MDGA2: variants seen among roughly 807,000 people sequenced by gnomAD.
MDGA2 encodes the protein MAM domain-containing glycosylphosphatidylinositol anchor protein 2.
MDGA2 carries 40 observed loss-of-function variants against 117.8 expected under a neutral mutation model. The ratio of observed to expected loss-of-function variants is 0.34; its 90% CI spans 0.26 to 0.44. The LOEUF is 0.44. Among genes scored for constraint, MDGA2 ranks in the 20% least tolerant of loss-of-function variants. The probability of loss-of-function intolerance (pLI) is 1.00; values close to 1 mark genes in which losing one functional copy is unlikely to be tolerated. For missense variants in MDGA2, 1,123 were observed against 1,250.6 expected (o/e 0.90, Z 1.54); for synonymous variants, 452 against 439.0 (o/e 1.03, Z -0.37).
intron 6 of MDGA2, among the ~76,000 whole-genome samples, chr14:47,078,417 A>G (rs1020707770): frequency 1.3e-5 from 2 of 152,192 alleles, no homozygotes; most frequent in Non-Finnish European, 2.9e-5. Flanking sequence ...ATGCTTCAAC[A>G]GTCAAGCCGA....
At chr14:47,188,954 T>C (rs11848832) in intron 3 of MDGA2, among the ~76,000 whole-genome samples, 1 of 152,260 alleles carries the variant, frequency 6.6e-6, no homozygotes, top group South Asian at 2.1e-4. Context: ...AAATGTGTGG[T>C]GTTTATGCTT....
intron 10 of MDGA2, among the ~76,000 whole-genome samples, chr14:46,909,078 C>T (rs1328422524): frequency 6.6e-6 from 1 of 152,146 alleles, no homozygotes. Context: ...CTGCTTCCTA[C>T]TCTACCAAAC....
At chr14:47,372,280 C>CA (rs541737815) in intron 1 of MDGA2, among the ~76,000 whole-genome samples, 59 of 150,122 alleles carry the variant, frequency 3.9e-4, no homozygotes, top group Admixed American at 6.6e-4. Flanking sequence ...TGGCAAAAAA[C>CA]AAAAAAAAGT....
At chr14:47,161,189 T>G (rs1222140449) in intron 3 of MDGA2, among the ~76,000 whole-genome samples, 1 of 152,168 alleles carries the variant, frequency 6.6e-6, no homozygotes, top group Non-Finnish European at 1.5e-5. Context: ...CTTAATTTAA[T>G]TACATTTTTG....
At chr14:46,900,791 CA>C (rs1883254795) in intron 10 of MDGA2, among the ~76,000 whole-genome samples, 1 of 151,974 alleles carries the variant, frequency 6.6e-6, no homozygotes, top group Admixed American at 6.6e-5. Flanking sequence ...TACGCACATG[CA>C]AACACAGATA....
intron 1 of MDGA2, among the ~76,000 whole-genome samples, chr14:47,513,355 A>T (rs1469468114): frequency 6.6e-6 from 1 of 152,258 alleles, no homozygotes; most frequent in South Asian, 2.1e-4. Context: ...AATATTCTAA[A>T]CAATCACTTT....
intron 2 of MDGA2, among the ~76,000 whole-genome samples, chr14:47,279,661 A>ATT (rs1566717131): frequency 2.0e-5 from 3 of 151,626 alleles, no homozygotes; most frequent in East Asian, 1.9e-4. Context: ...TTTTTTTTAA[A>ATT]AAAAAATCAT....
intron 3 of MDGA2, among the ~76,000 whole-genome samples, chr14:47,156,871 A>G (rs1417365517): frequency 6.6e-6 from 1 of 152,240 alleles, no homozygotes; most frequent in Non-Finnish European, 1.5e-5. Flanking sequence ...TCACTTTATG[A>G]ACAAGAATTT....
chr14:47,146,625 A>G (rs1882955533), intron 3 of MDGA2, among the ~76,000 whole-genome samples: 1 of 152,174 alleles, frequency 6.6e-6, no homozygotes, highest in African/African-American at 2.4e-5. Context: ...AATTGTAAAC[A>G]ATTTACTTTT....
intron 5 of MDGA2, among the ~76,000 whole-genome samples, chr14:47,123,793 C>T (rs1355865758): frequency 6.6e-6 from 1 of 151,980 alleles, no homozygotes; most frequent in African/African-American, 2.4e-5. Flanking sequence ...AAGCTATACC[C>T]TGTAGGCAGA....
Position 47,665,768 on chromosome 14 carries a change from G to A in MDGA2, c.280+8749C>T, listed in dbSNP as rs554849757. Among the ~76,000 whole-genome samples, 52 of 150,814 alleles carry A rather than the reference G, an allele frequency of 3.4e-4. No individual in the cohort carries two copies. The South Asian group carries it at 7.4e-3, about 21-fold the overall frequency. ...TGTCCAGCCTTAGCTGCCTCCCTGC[G>A]GGGCAGGGCTCGGGACTAGCAGCCC... On this transcript the variant is annotated intron_variant, in intron 1 of 16. Coordinates refer to ENST00000399232, the MANE Select transcript of MDGA2 (RefSeq NM_001113498.3).
At chr14:47,329,185 G>A (rs932568991) in intron 1 of MDGA2, among the ~76,000 whole-genome samples, 2 of 151,950 alleles carry the variant, frequency 1.3e-5, no homozygotes, top group Admixed American at 6.6e-5. Flanking sequence ...TCCTGCCTTG[G>A]CCCCTCAAAG....
chr14:47,042,996 T>C (rs1889131853), intron 7 of MDGA2, among the ~76,000 whole-genome samples: 1 of 152,064 alleles, frequency 6.6e-6, no homozygotes, highest in South Asian at 2.1e-4. Context: ...CACTGGAAAA[T>C]ATTCATATAA....
chr14:47,471,537 T>C (rs1417851963), intron 1 of MDGA2, among the ~76,000 whole-genome samples: 1 of 152,148 alleles, frequency 6.6e-6, no homozygotes, highest in African/African-American at 2.4e-5. Context: ...CCCCCATTTT[T>C]AGAACTAGTC....
At chr14:46,990,643 T>C (rs965540303) in intron 8 of MDGA2, among the ~76,000 whole-genome samples, 1 of 152,000 alleles carries the variant, frequency 6.6e-6, no homozygotes, top group Non-Finnish European at 1.5e-5. Context: ...TCTTTGAACA[T>C]TGTGTGATTT....
At chr14:47,212,286 G>T (rs9989181) in intron 3 of MDGA2, among the ~76,000 whole-genome samples, 75,468 of 151,868 alleles carry the variant, frequency 0.5, 19,508 homozygotes, top group Admixed American at 0.65. Context: ...AATAAATAAA[G>T]TGTGAGTATA....
intron 8 of MDGA2, among the ~76,000 whole-genome samples, chr14:46,991,929 C>A (rs1156580105): frequency 6.6e-6 from 1 of 151,972 alleles, no homozygotes; most frequent in Non-Finnish European, 1.5e-5. Context: ...GGTTGAAATA[C>A]AAAAAGAGAC....
intron 3 of MDGA2, among the ~76,000 whole-genome samples, chr14:47,192,487 T>G (rs1885151860): frequency 6.6e-6 from 1 of 151,894 alleles, no homozygotes; most frequent in African/African-American, 2.4e-5. Flanking sequence ...TGGTGGCACG[T>G]AGCTGTAGTC....
At chr14:46,926,689 G>GA (rs937117904) in intron 9 of MDGA2, among the ~76,000 whole-genome samples, 8 of 151,870 alleles carry the variant, frequency 5.3e-5, no homozygotes, top group African/African-American at 1.9e-4. Flanking sequence ...AAATTAATTA[G>GA]AAAAGAAGAG....
Sources: gnomAD v4.1 joint callset for allele counts (sites outside exome capture counted in the v4.1 genomes callset) on GRCh38, gnomAD v4.1.1 for gene constraint, MANE v1.5 for transcripts, NCBI Gene and HGNC (gene_info 2026-07-23, HGNC 2026-07-21) for gene names.